PRELID2: variants seen among roughly 807,000 people sequenced by gnomAD.
PRELID2 encodes the protein PRELI domain containing 2.
In PRELID2, 25 loss-of-function variants were observed where a neutral mutation model predicts 28.4. The observed-to-expected ratio is 0.88, with a 90% CI of 0.64 to 1.23. The LOEUF is 1.23. Ranked by LOEUF, PRELID2 falls within the 50% of genes most tolerant of loss-of-function variation. The pLI is 0.00. For missense variants in PRELID2, 201 were observed against 214.4 expected, an observed-to-expected ratio of 0.94 and a Z score of 0.39; for synonymous variants, 76 against 71.6, an observed-to-expected ratio of 1.06 and a Z score of -0.31.
At chr5:145,422,058 A>G in the PRELID2 span, among the ~76,000 whole-genome samples, 1 of 140,644 alleles carries the variant, frequency 7.1e-6, no homozygotes, top group African/African-American at 2.7e-5. Context: ...TGAGATTCTT[A>G]ATCCTGAGTT....
chr5:145,572,062 C>T (rs1444421488), intron 1 of PRELID2, among the ~76,000 whole-genome samples: 1 of 152,032 alleles, frequency 6.6e-6, no homozygotes, highest in Non-Finnish European at 1.5e-5. Context: ...GAGACTTTAT[C>T]TGTATAATAA....
chr5:145,373,778 AAT>A, the PRELID2 span, among the ~76,000 whole-genome samples: 1 of 79,326 alleles, frequency 1.3e-5, no homozygotes. Flanking sequence ...CAACATATAT[AAT>A]ATATATGATA....
intron 1 of PRELID2, among the ~76,000 whole-genome samples, chr5:145,710,399 T>C (rs1755661235): frequency 6.6e-6 from 1 of 152,192 alleles, no homozygotes; most frequent in African/African-American, 2.4e-5. Flanking sequence ...TTAACCTTTC[T>C]GGGCCTCAAT....
chr5:145,247,658 A>T, the PRELID2 span, among the ~76,000 whole-genome samples: 11 of 152,226 alleles, frequency 7.2e-5, no homozygotes, highest in East Asian at 2.1e-3. Context: ...TGCAGCAGAG[A>T]AGTCCCTGGG....
At chr5:145,512,973 C>T (rs1378195106) in intron 1 of PRELID2, among the ~76,000 whole-genome samples, 1 of 152,018 alleles carries the variant, frequency 6.6e-6, no homozygotes, top group Non-Finnish European at 1.5e-5. Context: ...ACAAAAACCC[C>T]ATCCGAAGGT....
At chr5:145,817,546 T>G (rs1447407920) in intron 4 of PRELID2, among the ~76,000 whole-genome samples, 1 of 150,132 alleles carries the variant, frequency 6.7e-6, no homozygotes, top group African/African-American at 2.4e-5. Flanking sequence ...TTTTAAAATA[T>G]ATACAAAACC....
chr5:145,815,971 A>C (rs1754272386), intron 4 of PRELID2, among the ~76,000 whole-genome samples: 1 of 152,196 alleles, frequency 6.6e-6, no homozygotes, highest in South Asian at 2.1e-4. Context: ...TGAGGATCTG[A>C]AAAACTGTTC....
chr5:145,580,914 C>T (rs1753102344), intron 1 of PRELID2, among the ~76,000 whole-genome samples: 1 of 152,054 alleles, frequency 6.6e-6, no homozygotes, highest in Admixed American at 6.6e-5. Context: ...TGAAACCTTT[C>T]AATGACTTTC....
chr5:145,743,430 AG>A (rs1194111210), intron 1 of PRELID2, among the ~76,000 whole-genome samples: 13 of 145,746 alleles, frequency 8.9e-5, no homozygotes, highest in African/African-American at 2.8e-4. Context: ...AAAAAAAAAA[AG>A]AAAGAAAAAG....
the PRELID2 span, among the ~76,000 whole-genome samples, chr5:145,343,722 A>C: frequency 0.012 from 1,899 of 152,012 alleles, 102 homozygotes; most frequent in Admixed American, 0.087. Flanking sequence ...AAATAAAACA[A>C]AAAATTAGTG....
the PRELID2 span, among the ~76,000 whole-genome samples, chr5:145,238,822 C>T: frequency 6.6e-6 from 1 of 152,042 alleles, no homozygotes; most frequent in Non-Finnish European, 1.5e-5. Context: ...TGAAAGCCTA[C>T]ACAAAACTAC....
At chr5:145,794,829 G>A (rs1752630912) in intron 5 of PRELID2, among the ~76,000 whole-genome samples, 1 of 152,018 alleles carries the variant, frequency 6.6e-6, no homozygotes, top group South Asian at 2.1e-4. Flanking sequence ...CAGATTAATT[G>A]ATGCATCAAA....
At chr5:145,548,179 A>C (rs529509500) in intron 1 of PRELID2, among the ~76,000 whole-genome samples, 1 of 152,326 alleles carries the variant, frequency 6.6e-6, no homozygotes, top group East Asian at 1.9e-4. Context: ...TGGAATGATA[A>C]ATCTTGTGTT....
At position 145,518,712 on chromosome 5, in the gene PRELID2, G is replaced by T. The variant is rs117896662; in HGVS notation, n.71-45397C>A. Among the ~76,000 whole-genome samples, 1,364 of 152,278 alleles carry T rather than the reference G, an allele frequency of 9.0e-3. 72 individuals are homozygous for T. Among genetic ancestry groups the T allele is most frequent in the Admixed American group, 0.076 (1,168 of 15,288 alleles). ...TCCTATACCAGTTGTTCTCAAGCAG[G>T]TGCAATTTTTTCCACGAGGAGATAC... On this transcript the variant is annotated intron_variant and non_coding_transcript_variant, in intron 1 of 2. Coordinates refer to the PRELID2 transcript ENST00000510259.
chr5:145,661,602 T>C (rs948789766), intron 1 of PRELID2, among the ~76,000 whole-genome samples: 3 of 149,224 alleles, frequency 2.0e-5, no homozygotes, highest in African/African-American at 7.4e-5. Context: ...TCCACTGGCC[T>C]GTCACAATGC....
chr5:145,315,958 T>C, the PRELID2 span, among the ~76,000 whole-genome samples: 160 of 152,330 alleles, frequency 1.1e-3, 1 homozygote, highest in African/African-American at 3.4e-3. Context: ...CTTAATTTTT[T>C]ACTACATTTA....
chr5:145,418,378 GA>G, the PRELID2 span, among the ~76,000 whole-genome samples: 164 of 151,772 alleles, frequency 1.1e-3, 1 homozygote, highest in African/African-American at 3.7e-3. Flanking sequence ...CACAGAATTA[GA>G]AAAAAAACTA....
At chr5:145,270,501 T>A in the PRELID2 span, among the ~76,000 whole-genome samples, 1 of 152,260 alleles carries the variant, frequency 6.6e-6, no homozygotes. Flanking sequence ...GTAATCTTAT[T>A]TATACAATGT....
chr5:145,627,147 T>A (rs867907401), intron 1 of PRELID2, among the ~76,000 whole-genome samples: 1,269 of 92,044 alleles, frequency 0.014, 40 homozygotes, highest in African/African-American at 0.047. Context: ...AAAAAAAAAA[T>A]TTGTGTATAT....
Sources: gnomAD v4.1 joint callset for allele counts (sites outside exome capture counted in the v4.1 genomes callset) on GRCh38, gnomAD v4.1.1 for gene constraint, MANE v1.5 for transcripts, NCBI Gene and HGNC (gene_info 2026-07-23, HGNC 2026-07-21) for gene names.